ANTXR1: variants seen among roughly 807,000 people sequenced by gnomAD.
ANTXR1 encodes anthrax toxin receptor 1.
In ANTXR1, 19 loss-of-function variants were observed where a neutral mutation model predicts 78.1. That is an observed-to-expected ratio of 0.24 (90% CI 0.17 to 0.36). The LOEUF is 0.36. Ranked by LOEUF, ANTXR1 falls within the 10% of genes least tolerant of loss-of-function variation. The probability of loss-of-function intolerance (pLI) is 1.00; values close to 1 mark genes in which losing one functional copy is unlikely to be tolerated. For missense variants in ANTXR1, 518 were observed against 718.6 expected, an observed-to-expected ratio of 0.72 and a Z score of 3.19; for synonymous variants, 273 against 260.5, an observed-to-expected ratio of 1.05 and a Z score of -0.46.
intron 2 of ANTXR1, among the ~76,000 whole-genome samples, chr2:69,040,602 G>T (rs1167401215): frequency 6.6e-6 from 1 of 152,192 alleles, no homozygotes; most frequent in Non-Finnish European, 1.5e-5. Flanking sequence ...CTAGCTGTGT[G>T]TACTATTATC....
At chr2:69,213,201 C>T (rs1675089407) in intron 17 of ANTXR1, among the ~76,000 whole-genome samples, 1 of 152,070 alleles carries the variant, frequency 6.6e-6, no homozygotes. Flanking sequence ...AAAGCCAGTG[C>T]CTTCGTTTCA....
intron 12 of ANTXR1, among the ~76,000 whole-genome samples, chr2:69,136,220 GT>G (rs1666134626): frequency 1.3e-5 from 2 of 152,108 alleles, no homozygotes; most frequent in African/African-American, 4.8e-5. Flanking sequence ...AAACTGATCA[GT>G]CACTTATTTT....
At chr2:69,103,220 G>GC in intron 10 of ANTXR1, 1 of 465,766 alleles carries the variant, frequency 2.1e-6, no homozygotes, top group East Asian at 4.4e-5. Context: ...ACAAGCCCCA[G>GC]CCCTGCAGCA....
At chr2:69,027,371 C>A (rs183303968) in intron 1 of ANTXR1, among the ~76,000 whole-genome samples, 3 of 152,246 alleles carry the variant, frequency 2.0e-5, no homozygotes, top group Admixed American at 6.5e-5. Flanking sequence ...TAGCACAATG[C>A]GAACCTGAAG....
chr2:69,244,334 C>T (rs1261125661), intron 17 of ANTXR1, among the ~76,000 whole-genome samples: 1 of 152,212 alleles, frequency 6.6e-6, no homozygotes, highest in African/African-American at 2.4e-5. Context: ...AGAATGTCCC[C>T]AGGTTGTATT....
At chr2:69,022,255 G>T (rs1671211507) in intron 1 of ANTXR1, among the ~76,000 whole-genome samples, 1 of 152,208 alleles carries the variant, frequency 6.6e-6, no homozygotes, top group Non-Finnish European at 1.5e-5. Context: ...TCCTACTAGT[G>T]CTTCTCAATG....
At chr2:69,073,203 C>T in intron 6 of ANTXR1, 102 bp downstream of exon 6, 3 of 976,586 alleles carry the variant, frequency 3.1e-6, no homozygotes, top group Non-Finnish European at 3.3e-6. Context: ...GTGTTCTTTG[C>T]AAATCCCCTG....
At chr2:69,173,461 G>C (rs1343784521) in intron 14 of ANTXR1, among the ~76,000 whole-genome samples, 2 of 152,150 alleles carry the variant, frequency 1.3e-5, no homozygotes, top group East Asian at 1.9e-4. Context: ...CCAACAGACT[G>C]GTGCTCTTGG....
intron 3 of ANTXR1, among the ~76,000 whole-genome samples, chr2:69,054,456 T>C (rs1443813955): frequency 6.6e-6 from 1 of 152,166 alleles, no homozygotes; most frequent in African/African-American, 2.4e-5. Flanking sequence ...AACCGGAACT[T>C]GGAAATACTC....
At chr2:69,039,448 GTTTA>G (rs1669548090) in intron 1 of ANTXR1, among the ~76,000 whole-genome samples, 1 of 151,232 alleles carries the variant, frequency 6.6e-6, no homozygotes. Context: ...TTCTTCTTTT[GTTTA>G]TTAATACGAC....
intron 17 of ANTXR1, among the ~76,000 whole-genome samples, chr2:69,201,135 C>T (rs191322058): frequency 7.5e-4 from 115 of 152,338 alleles, no homozygotes; most frequent in Middle Eastern, 6.8e-3. Flanking sequence ...AGCTCCCAAA[C>T]ACTGCCTGGT....
chr2:69,100,865 A>G (rs926917010), intron 9 of ANTXR1, among the ~76,000 whole-genome samples: 19 of 152,228 alleles, frequency 1.2e-4, no homozygotes, highest in African/African-American at 4.6e-4. Flanking sequence ...ACAGACATCT[A>G]GAGAAAACTA....
intron 17 of ANTXR1, among the ~76,000 whole-genome samples, chr2:69,234,759 G>A (rs543363810): frequency 6.6e-5 from 10 of 151,872 alleles, no homozygotes; most frequent in South Asian, 2.1e-4. Flanking sequence ...GCAAAACTCC[G>A]TCTCAAAAAT....
At chr2:69,096,281 G>A (rs890341075) in intron 9 of ANTXR1, among the ~76,000 whole-genome samples, 1 of 10,682 alleles carries the variant, frequency 9.4e-5, no homozygotes, top group South Asian at 2.6e-3. Context: ...AGGAAGGAAG[G>A]AAGGAAGGGA....
intron 14 of ANTXR1, among the ~76,000 whole-genome samples, chr2:69,173,187 G>C (rs1344362240): frequency 6.6e-6 from 1 of 152,194 alleles, no homozygotes; most frequent in African/African-American, 2.4e-5. Context: ...CGATTTCACT[G>C]CTAGCAGCTC....
chr2:69,160,660 C>T (rs1350625831), intron 13 of ANTXR1, among the ~76,000 whole-genome samples: 1 of 152,132 alleles, frequency 6.6e-6, no homozygotes, highest in African/African-American at 2.4e-5. Flanking sequence ...CACTTCAGAA[C>T]AAGAGGTATT....
At chr2:69,159,866 T>G (rs1219821995) in intron 13 of ANTXR1, among the ~76,000 whole-genome samples, 1 of 152,196 alleles carries the variant, frequency 6.6e-6, no homozygotes, top group South Asian at 2.1e-4. Context: ...AATGACAAAT[T>G]GCAAAGGGCA....
At chr2:69,099,808 C>A (rs777321040) in intron 9 of ANTXR1, among the ~76,000 whole-genome samples, 1 of 152,154 alleles carries the variant, frequency 6.6e-6, no homozygotes, top group Non-Finnish European at 1.5e-5. Context: ...TCTTTCTATG[C>A]CAAGATATGT....
chr2:69,176,750 G>T (rs34081493), intron 14 of ANTXR1, among the ~76,000 whole-genome samples: 36,818 of 152,144 alleles, frequency 0.24, 4,948 homozygotes, highest in South Asian at 0.43. Flanking sequence ...CCAGTTCAAT[G>T]ACATTTAAAA....
Sources: gnomAD v4.1 joint callset for allele counts (sites outside exome capture counted in the v4.1 genomes callset) on GRCh38, gnomAD v4.1.1 for gene constraint, MANE v1.5 for transcripts, NCBI Gene and HGNC (gene_info 2026-07-23, HGNC 2026-07-21) for gene names.